Variants in RBFOX1 observed in about 807,000 individuals in gnomAD.
RBFOX1 encodes RNA binding fox-1 homolog 1.
In RBFOX1, 8 loss-of-function variants were observed where a neutral mutation model predicts 57.7. That is an observed-to-expected ratio of 0.14 (90% CI 0.08 to 0.25). RBFOX1 has a LOEUF of 0.25. Ranked by LOEUF, RBFOX1 falls within the 10% of genes least tolerant of loss-of-function variation. The pLI is 1.00. For missense variants in RBFOX1, 611 were observed against 548.5 expected (o/e 1.11, Z -1.14); for synonymous variants, 326 against 222.4 (o/e 1.47, Z -4.15).
intron 2 of RBFOX1, among the ~76,000 whole-genome samples, chr16:5,526,916 T>G (rs1036292109): frequency 2.6e-5 from 4 of 152,238 alleles, no homozygotes; most frequent in African/African-American, 9.6e-5. Context: ...TGCTCGCCTC[T>G]CTAACCCTTG....
intron 3 of RBFOX1, among the ~76,000 whole-genome samples, chr16:7,030,285 C>G (rs2042456531): frequency 3.9e-5 from 6 of 152,110 alleles, no homozygotes; most frequent in Admixed American, 3.9e-4. Flanking sequence ...TCAGGACTTT[C>G]ATACCCATTT....
Position 6,642,253 on chromosome 16 carries a change from T to C in RBFOX1, c.-63-12350T>C, listed in dbSNP as rs184551318. 4.6e-5 allele frequency among the ~76,000 whole-genome samples: 7 copies of C among 152,300 alleles called. No homozygotes were observed. In the East Asian group the frequency reaches 9.7e-4, roughly 21 times the overall value. On this transcript the variant is annotated intron_variant, in intron 2 of 15. Transcript: ENST00000550418. ...TTTGCAGCTGACATCTCGAGAAGTA[T>C]TCTTCTTAAAAGCTGAGCGAAAATT... is the stretch of plus-strand genomic sequence containing the variant.
chr16:7,515,335 A>C (rs1251565024), intron 4 of RBFOX1, among the ~76,000 whole-genome samples: 1 of 152,076 alleles, frequency 6.6e-6, no homozygotes, highest in Admixed American at 6.6e-5. Flanking sequence ...AAATGAGACA[A>C]AGGGTACAAA....
chr16:5,643,412 G>C (rs1427229253), intron 3 of RBFOX1, among the ~76,000 whole-genome samples: 1 of 152,110 alleles, frequency 6.6e-6, no homozygotes, highest in Non-Finnish European at 1.5e-5. Flanking sequence ...GGGTGGACTT[G>C]GCCCCATGTT....
At chr16:7,003,419 C>T (rs147275044) in intron 3 of RBFOX1, among the ~76,000 whole-genome samples, 128 of 150,532 alleles carry the variant, frequency 8.5e-4, no homozygotes, top group African/African-American at 3.0e-3. Context: ...GAGATTGCGC[C>T]ACTGTACTGC....
chr16:7,179,861 A>C (rs1435963875), intron 4 of RBFOX1, among the ~76,000 whole-genome samples: 1 of 151,910 alleles, frequency 6.6e-6, no homozygotes, highest in African/African-American at 2.4e-5. Context: ...CAGCCTCCTG[A>C]ATAGCTGGGA....
intron 3 of RBFOX1, among the ~76,000 whole-genome samples, chr16:6,780,822 A>C (rs1203529106): frequency 6.6e-6 from 1 of 151,578 alleles, no homozygotes; most frequent in Non-Finnish European, 1.5e-5. Context: ...ATGTTTGCTC[A>C]TTTTTATTTG....
chr16:5,745,130 C>G (rs1296906316), intron 3 of RBFOX1, among the ~76,000 whole-genome samples: 1 of 152,134 alleles, frequency 6.6e-6, no homozygotes, highest in African/African-American at 2.4e-5. Flanking sequence ...GTGTGATGTT[C>G]CCCTTCTGTG....
Position 6,870,445 on chromosome 16 carries a change from T to G in RBFOX1, c.-15-181612T>G, listed in dbSNP as rs544670613. 1.2e-4 allele frequency among the ~76,000 whole-genome samples: 19 copies of G among 152,304 alleles called. No homozygotes were observed. The South Asian group carries it at 3.9e-3, about 32-fold the overall frequency. On this transcript the variant is annotated intron_variant, in intron 3 of 15. Transcript: ENST00000550418. ...TTCTGATACCTATAAATATCTAAGGTTTTAGTTGACACACGTCTGGCTAGC... is the reference window on the plus strand; with the variant it reads ...TTCTGATACCTATAAATATCTAAGGGTTTAGTTGACACACGTCTGGCTAGC...
At chr16:5,834,844 T>C (rs1287543186) in intron 3 of RBFOX1, among the ~76,000 whole-genome samples, 1 of 151,956 alleles carries the variant, frequency 6.6e-6, no homozygotes, top group Non-Finnish European at 1.5e-5. Flanking sequence ...ACAGATTTCT[T>C]TTCCATTGGG....
chr16:7,590,777 T>G (rs748817240), intron 7 of RBFOX1, among the ~76,000 whole-genome samples: 9 of 150,776 alleles, frequency 6.0e-5, no homozygotes, highest in Non-Finnish European at 8.8e-5. Context: ...GAGAATCACT[T>G]GAACCCGGGG....
intron 1 of RBFOX1, among the ~76,000 whole-genome samples, chr16:6,069,436 G>C (rs1003351704): frequency 6.6e-6 from 1 of 151,198 alleles, no homozygotes; most frequent in African/African-American, 2.4e-5. Flanking sequence ...TAAAGGGGGA[G>C]AGGGAGAGAA....
intron 2 of RBFOX1, among the ~76,000 whole-genome samples, chr16:6,524,672 C>G (rs1043521562): frequency 2.0e-5 from 3 of 152,148 alleles, no homozygotes; most frequent in Admixed American, 6.6e-5. Flanking sequence ...GGCTTAAAGT[C>G]TGAAATCAAG....
chr16:5,252,986 C>T (rs2062491008), intron 1 of RBFOX1, among the ~76,000 whole-genome samples: 1 of 152,192 alleles, frequency 6.6e-6, no homozygotes, highest in Non-Finnish European at 1.5e-5. Context: ...TGTCTTGGAT[C>T]CACCGCCGGT....
intron 4 of RBFOX1, among the ~76,000 whole-genome samples, chr16:7,065,933 G>C (rs190255337): frequency 3.9e-5 from 6 of 152,244 alleles, no homozygotes; most frequent in Non-Finnish European, 5.9e-5. Flanking sequence ...TGATCCTTAT[G>C]TGTTTTTCCC....
chr16:7,374,204 G>A (rs192154184), intron 4 of RBFOX1, among the ~76,000 whole-genome samples: 1 of 152,134 alleles, frequency 6.6e-6, no homozygotes, highest in East Asian at 1.9e-4. Context: ...GAATTTTGGG[G>A]ATTCAATATG....
chr16:6,006,816 C>T (rs746019593), intron 4 of RBFOX1, among the ~76,000 whole-genome samples: 9 of 152,132 alleles, frequency 5.9e-5, no homozygotes, highest in Admixed American at 2.6e-4. Flanking sequence ...ATGAGGGGAA[C>T]CTAAGAGGAT....
At chr16:7,683,772 A>G (rs1389149074) in intron 14 of RBFOX1, among the ~76,000 whole-genome samples, 1 of 152,094 alleles carries the variant, frequency 6.6e-6, no homozygotes, top group Non-Finnish European at 1.5e-5. Flanking sequence ...GGGAAAGCCT[A>G]ATGCTTTCTA....
chr16:6,048,126 C>G (rs1481495590), intron 1 of RBFOX1, among the ~76,000 whole-genome samples: 2 of 152,156 alleles, frequency 1.3e-5, no homozygotes, highest in African/African-American at 2.4e-5. Context: ...ATTGCCATAT[C>G]TGATTTGATT....
Sources: gnomAD v4.1 joint callset for allele counts (sites outside exome capture counted in the v4.1 genomes callset) on GRCh38, gnomAD v4.1.1 for gene constraint, MANE v1.5 for transcripts, NCBI Gene and HGNC (gene_info 2026-07-23, HGNC 2026-07-21) for gene names.